LRRC37A3: variants seen among roughly 807,000 people sequenced by gnomAD.
LRRC37A3 encodes leucine-rich repeat-containing protein 37A3.
LRRC37A3 carries 25 observed loss-of-function variants against 106.2 expected under a neutral mutation model. The observed-to-expected ratio is 0.24, with a 90% CI of 0.17 to 0.33. LRRC37A3 has a LOEUF of 0.33. Among genes scored for constraint, LRRC37A3 ranks in the 10% least tolerant of loss-of-function variants. The pLI, the probability that LRRC37A3 is intolerant of heterozygous loss-of-function variation, is 1.00. For missense variants in LRRC37A3, 712 were observed against 1,644.9 expected (o/e 0.43, Z 9.81); for synonymous variants, 305 against 635.8 (o/e 0.48, Z 7.83).
intron 8 of LRRC37A3, among the ~76,000 whole-genome samples, chr17:64,874,894 G>A (rs1273737236): frequency 6.6e-6 from 1 of 151,776 alleles, no homozygotes; most frequent in African/African-American, 2.4e-5. Context: ...ATGCTTGAAG[G>A]CAGCATGCTC....
chr17:64,862,203 T>C (rs1051827987), intron 11 of LRRC37A3, among the ~76,000 whole-genome samples: 4 of 152,182 alleles, frequency 2.6e-5, no homozygotes, highest in Non-Finnish European at 4.4e-5. Context: ...GATACCTGTA[T>C]TCAAGCTATC....
intron 5 of LRRC37A3, among the ~76,000 whole-genome samples, chr17:64,890,416 G>A (rs1236223336): frequency 1.8e-5 from 2 of 109,226 alleles, no homozygotes; most frequent in Non-Finnish European, 3.4e-5. Flanking sequence ...TGTAAACATC[G>A]TTACAAAAGA....
rs749557238 is a variant in LRRC37A3, at chr17:64,860,387, C to G, written c.3759G>C (p.Lys1253Asn). Residue 1253 changes from lysine (K) to asparagine (N), a missense_variant, in exon 12 of 15, where the codon AAG becomes AAC. By Grantham distance (94) the Lys-to-Asn change is moderately conservative (BLOSUM62 0). Coordinates refer to ENST00000584306, the MANE Select transcript of LRRC37A3 (RefSeq NM_199340.5). ...CAGGGCTGGAGGTAGAAGGCGCGCCCTTGGAGAAGGGTTTCAGCACAGAGA... is the reference window on the plus strand; with the variant it reads ...CAGGGCTGGAGGTAGAAGGCGCGCCGTTGGAGAAGGGTTTCAGCACAGAGA... ...AAVSVLKPFS[K>N]GAPSTSSPAK... is the part of the protein sequence containing the mutation. The G allele has an allele frequency of 1.9e-6, 3 of 1,613,938 alleles. No individual in the cohort carries two copies. The South Asian group carries it at 3.3e-5, about 18-fold the overall frequency.
In LRRC37A3 at chr17:64,897,329, A is replaced by G; in HGVS notation, c.-72T>C. ...CCCTGTCTTTATGACACCTTTATTT[A>G]TGCCACAGATCTGCTCCATGTCACC... On this transcript the variant is annotated 5_prime_UTR_variant, in exon 4 of 15. Coordinates refer to ENST00000584306, the MANE Select transcript of LRRC37A3 (RefSeq NM_199340.5). 6.2e-7 allele frequency: 1 copy of G among 1,605,932 alleles called. No homozygotes were observed. Among genetic ancestry groups the G allele is most frequent in the Non-Finnish European group, 8.5e-7 (1 of 1,179,126 alleles).
intron 2 of LRRC37A3, among the ~76,000 whole-genome samples, chr17:64,914,035 A>AT (rs1166868880): frequency 4.0e-5 from 6 of 151,076 alleles, no homozygotes; most frequent in African/African-American, 4.9e-5. Flanking sequence ...AAACCTCTAC[A>AT]TTTTTTTTTA....
At position 64,869,123 on chromosome 17, in the gene LRRC37A3, G is replaced by C; in HGVS notation, c.2950C>G (p.Leu984Val). Residue 984 changes from leucine (L) to valine (V), a missense_variant, in exon 9 of 15, where the codon CTC becomes GTC. Transcript: ENST00000584306. ...TATTTTAATGCTGGCAATTTAAAGA[G>C]ATATGGATCTTCAACAGTTGTCAGA... ...NPLTTVEDPYLFKLPALKYLD... is the reference protein window; with the variant it reads ...NPLTTVEDPYVFKLPALKYLD... 6.2e-7 allele frequency: 1 copy of C among 1,612,938 alleles called. No individual in the cohort carries two copies. The highest frequency in any genetic ancestry group is 8.5e-7 in the Non-Finnish European group (1 of 1,179,552).
At chr17:64,919,276 G>T (rs1351662088) in intron 1 of LRRC37A3, among the ~76,000 whole-genome samples, 155 bp downstream of exon 1, 1 of 152,202 alleles carries the variant, frequency 6.6e-6, no homozygotes, top group Non-Finnish European at 1.5e-5. Context: ...CCGAGGCGGA[G>T]GGAGAAGGGA....
At chr17:64,875,351 C>T (rs1179764113) in intron 8 of LRRC37A3, among the ~76,000 whole-genome samples, 2 of 152,190 alleles carry the variant, frequency 1.3e-5, no homozygotes, top group African/African-American at 2.4e-5. Context: ...TCTGAAGAAA[C>T]TGTCAACCAA....
chr17:64,880,837 T>C (rs555689765), intron 8 of LRRC37A3, among the ~76,000 whole-genome samples: 22 of 152,176 alleles, frequency 1.4e-4, no homozygotes, highest in Admixed American at 5.9e-4. Flanking sequence ...TTCTATTAAC[T>C]GAGGAGACAG....
At chr17:64,858,905 T>C (rs753160978) in intron 12 of LRRC37A3, 22 bp from the exon 13 acceptor site, 2 of 1,452,854 alleles carry the variant, frequency 1.4e-6, no homozygotes, top group Non-Finnish European at 1.9e-6. Flanking sequence ...AAAACCAGAA[T>C]GAGAGCTAAC....
rs768713288 is a variant in LRRC37A3, at chr17:64,860,416, C to T, written c.3730G>A (p.Ala1244Thr). The change falls in exon 12 of 15, where the codon GCA becomes ACA. Residue 1244 changes from alanine to threonine, a missense_variant. By Grantham distance (58) the Ala-to-Thr change is moderately conservative (BLOSUM62 0). Transcript: ENST00000584306. ...GAGAAGGGTTTCAGCACAGAGACTG[C>T]TGCCTTATGCTCTTGGGTGAACGAA... ...KPSFTQEHKA[A>T]VSVLKPFSKG... 7 of 1,613,852 alleles carry T rather than the reference C, an allele frequency of 4.3e-6. No individual in the cohort carries two copies. In the African/African-American group the frequency reaches 9.3e-5, roughly 22 times the overall value.
chr17:64,901,257 G>T (rs1974301949), intron 2 of LRRC37A3: 1 of 151,336 alleles, frequency 6.6e-6, no homozygotes, highest in Admixed American at 6.6e-5. Context: ...AATAACATAA[G>T]AAATAAAAAA....
Position 64,896,480 on chromosome 17 carries a change from C to T in LRRC37A3, c.778G>A (p.Glu260Lys), listed in dbSNP as rs200642758. The T allele has an allele frequency of 4.0e-4, 285 of 719,990 alleles. 17 individuals carry two copies. In the African/African-American group the frequency reaches 7.2e-3, roughly 18 times the overall value. 44.6% of individuals were successfully genotyped at this position (719,990 alleles called of 1,614,324 possible). A position where few individuals can be genotyped will look rare whatever the true frequency, so the allele number is the denominator to read the frequency against. Reference protein sequence around the residue: ...LEEEPSSMQQEAPALPPESSM... With the variant: ...LEEEPSSMQQKAPALPPESSM... Reference sequence around the variant, plus strand: ...GACTCTGGAGGCAGAGCTGGGGCCTCCTGCTGCATTGAAGAAGGTTCTTCC... The same window carrying T: ...GACTCTGGAGGCAGAGCTGGGGCCTTCTGCTGCATTGAAGAAGGTTCTTCC... The change falls in exon 4 of 15, where the codon GAG (glutamate) becomes AAG (lysine). Residue 260 changes from glutamate to lysine, a missense_variant. Transcript: ENST00000584306.
At position 64,918,922 on chromosome 17, in the gene LRRC37A3, T is replaced by C. The variant is rs570477115; in HGVS notation, c.-616-52A>G. On this transcript the variant is annotated intron_variant, in intron 1 of 14. Coordinates refer to ENST00000584306, the MANE Select transcript of LRRC37A3 (RefSeq NM_199340.5). ...TGTGGCAGCGAGCACCTGTAGTGAC[T>C]ACACCACTTTGTTGACGGCCGTCCG... 353 of 775,426 alleles carry C rather than the reference T, an allele frequency of 4.6e-4. 3 individuals are homozygous for C. The East Asian group carries it at 0.013, about 29-fold the overall frequency. 48.0% of individuals were successfully genotyped at this position (775,426 alleles called of 1,614,324 possible).
At chr17:64,887,567 T>C (rs1973866245) in intron 6 of LRRC37A3, among the ~76,000 whole-genome samples, 1 of 52,050 alleles carries the variant, frequency 1.9e-5, no homozygotes, top group African/African-American at 1.0e-4. Flanking sequence ...TAGGTCTGTT[T>C]TCCTAAGCCA....
intron 8 of LRRC37A3, among the ~76,000 whole-genome samples, chr17:64,870,497 T>TA (rs1973275855): frequency 6.6e-6 from 1 of 152,046 alleles, no homozygotes; most frequent in Non-Finnish European, 1.5e-5. Context: ...ATCATCTTTG[T>TA]ACTTAGGCAG....
In LRRC37A3 at chr17:64,862,328, G is replaced by A. The variant is rs577737757; in HGVS notation, c.3172+572C>T. On this transcript the variant is annotated intron_variant, in intron 11 of 14. Transcript: ENST00000584306. ...TTGTGAACAGAAAGGTTTGAGATTC[G>A]GAGCAAGTTCAGAGTTGGATGGTCT... Among the ~76,000 whole-genome samples the A allele has an allele frequency of 1.1e-4, 17 of 151,994 alleles. No homozygotes were observed. The South Asian group carries it at 2.1e-3, about 19-fold the overall frequency.
chr17:64,872,055 C>G (rs1225272780), intron 8 of LRRC37A3, among the ~76,000 whole-genome samples: 1 of 149,494 alleles, frequency 6.7e-6, no homozygotes, highest in Non-Finnish European at 1.5e-5. Context: ...TTGTGTGAAC[C>G]CGGGAGGTGG....
chr17:64,917,153 G>A (rs1043765806), intron 2 of LRRC37A3, among the ~76,000 whole-genome samples: 5 of 150,500 alleles, frequency 3.3e-5, no homozygotes, highest in African/African-American at 1.2e-4. Context: ...GGCTGAGGCA[G>A]GAGAATGGCA....
Sources: gnomAD v4.1 joint callset for allele counts (sites outside exome capture counted in the v4.1 genomes callset) on GRCh38, gnomAD v4.1.1 for gene constraint, MANE v1.5 for transcripts, NCBI Gene and HGNC (gene_info 2026-07-23, HGNC 2026-07-21) for gene names.